The following LRRC46 variants were observed in gnomAD, a reference collection of about 807,000 sequenced individuals.
The protein encoded by LRRC46 is leucine-rich repeat-containing protein 46.
In LRRC46, 20 loss-of-function variants were observed where a neutral mutation model predicts 28.0. That is an observed-to-expected ratio of 0.71 (90% confidence interval 0.50 to 1.04). LRRC46 has a LOEUF of 1.04. Ranked by LOEUF, LRRC46 falls within the 50% of genes least tolerant of loss-of-function variation. LRRC46 has a pLI of 0.00. For synonymous variants in LRRC46, 156 were observed against 158.8 expected (o/e 0.98, Z 0.13); for missense variants, 315 against 390.1 (o/e 0.81, Z 1.62).
In LRRC46 at chr17:47,836,880, GC is replaced by G; in HGVS notation, c.729del (p.Met244TrpfsTer37). Reference sequence around the variant, plus strand: ...CCGACCTGCCCCTGCTACCTGGGGTGCCCATGGCTGGGGACAGCAGCCCTTC... The same window carrying G: ...CCGACCTGCCCCTGCTACCTGGGGTGCCATGGCTGGGGACAGCAGCCCTTC... Reference protein sequence around the residue: ...LTDLPLLPGVPMAGDSSPSAT... With the variant: ...LTDLPLLPGVXMAGDSSPSAT... On this transcript the variant is annotated frameshift_variant, in exon 8 of 8. Coordinates refer to ENST00000269025, the MANE Select transcript of LRRC46 (RefSeq NM_033413.4). LOFTEE classifies it low-confidence loss of function (END_TRUNC). This position sits in a 1 kb window ranked among gnomAD's most constrained non-coding sequence, Gnocchi z 5.8. 6.2e-7 allele frequency: 1 copy of G among 1,613,864 alleles called. No individual in the cohort carries two copies.
Position 47,836,914 on chromosome 17 carries a change from C to T in LRRC46, c.760C>T (p.Pro254Ser). ...TGGGGACAGCAGCCCTTCTGCCACTCCTGCGCAAGGGGAGGAGACAGTCCC... is the reference window on the plus strand; with the variant it reads ...TGGGGACAGCAGCCCTTCTGCCACTTCTGCGCAAGGGGAGGAGACAGTCCC... ...MAGDSSPSATPAQGEETVPEA... is the reference protein window; with the variant it reads ...MAGDSSPSATSAQGEETVPEA... The change falls in exon 8 of 8, where the codon CCT becomes TCT. Residue 254 changes from proline to serine, a missense_variant. Coordinates refer to ENST00000269025, the MANE Select transcript of LRRC46 (RefSeq NM_033413.4). This position sits in a 1 kb window ranked among gnomAD's most constrained non-coding sequence, Gnocchi z 5.8. 6.2e-7 allele frequency: 1 copy of T among 1,613,940 alleles called. No individual in the cohort carries two copies. The highest frequency in any genetic ancestry group is 8.5e-7 in the Non-Finnish European group (1 of 1,179,986).
intron 2 of LRRC46, among the ~76,000 whole-genome samples, chr17:47,832,931 T>C (rs1248416360): frequency 2.0e-5 from 3 of 152,190 alleles, no homozygotes; most frequent in African/African-American, 7.2e-5. Flanking sequence ...TCTCCACAAG[T>C]GTACAATTTC....
At chr17:47,833,571 C>T (rs141948566) in intron 2 of LRRC46, among the ~76,000 whole-genome samples, 1,639 of 151,764 alleles carry the variant, frequency 0.011, 17 homozygotes, top group Middle Eastern at 0.024. Flanking sequence ...GCCTCAGCCT[C>T]CCGAGTAGCT....
Position 47,831,909 on chromosome 17 carries a change from G to A in LRRC46, c.-81G>A, listed in dbSNP as rs564249651. 5.6e-5 allele frequency: 89 copies of A among 1,587,378 alleles called. No individual in the cohort carries two copies. The Middle Eastern group carries it at 2.5e-3, about 44-fold the overall frequency. ...TTTCTCTCTCCTCCTGCCATCCTGA[G>A]TTCTGCCATCCTTAGGGGCCGCCAA... On this transcript the variant is annotated 5_prime_UTR_variant, in exon 1 of 8. Coordinates refer to ENST00000269025, the MANE Select transcript of LRRC46 (RefSeq NM_033413.4).
intron 4 of LRRC46, 89 bp downstream of exon 4, chr17:47,835,488 GGGTCCTTGTCA>G (rs1167847967): frequency 1.3e-6 from 2 of 1,531,610 alleles, no homozygotes; most frequent in Non-Finnish European, 1.8e-6. Context: ...CTCCAAGCCT[GGGTCCTTGTCA>G]GTCAAGGACC....
chr17:47,836,527 G>C lies in LRRC46; in HGVS notation c.595+52G>C. Reference sequence around the variant, plus strand: ...CCTCCCCAGAGCCCACCTCTGCCCTGTGGGACATGAGGGAAGCTAAGGTGG... The same window carrying C: ...CCTCCCCAGAGCCCACCTCTGCCCTCTGGGACATGAGGGAAGCTAAGGTGG... On this transcript the variant is annotated intron_variant, in intron 7 of 7. Coordinates refer to ENST00000269025, the MANE Select transcript of LRRC46 (RefSeq NM_033413.4). This position sits in a 1 kb window ranked among gnomAD's most constrained non-coding sequence, Gnocchi z 5.8. 1 of 1,595,852 alleles carries C rather than the reference G, an allele frequency of 6.3e-7. No homozygotes were observed. Among genetic ancestry groups the C allele is most frequent in the Non-Finnish European group, 8.5e-7 (1 of 1,170,018 alleles).
At position 47,836,595 on chromosome 17, in the gene LRRC46, C is replaced by G; in HGVS notation, c.595+120C>G. ...GGGAGCCCCAAGTTCAGATCAACAT[C>G]TGGGCCAGAGCCAGGTGTCAGTCCT... On this transcript the variant is annotated intron_variant, in intron 7 of 7. Coordinates refer to ENST00000269025, the MANE Select transcript of LRRC46 (RefSeq NM_033413.4). The surrounding 1 kb of genome is among the most constrained non-coding windows in gnomAD (Gnocchi z 5.8). 1 of 1,501,362 alleles carries G rather than the reference C, an allele frequency of 6.7e-7. No individual in the cohort carries two copies. Among genetic ancestry groups the G allele is most frequent in the Non-Finnish European group, 9.0e-7 (1 of 1,117,224 alleles). The allele number at this position is 1,501,362 out of a possible 1,614,324, so 93.0% of individuals were successfully genotyped here.
Position 47,834,544 on chromosome 17 carries a change from TC to T in LRRC46, c.225+12del, listed in dbSNP as rs749907004. ...CTCTATCTGCAAGGGGTAACTTCTT[TC>T]TCCACCCTTCCCCTCCCCTTGACCC... On this transcript the variant is annotated intron_variant, in intron 3 of 7. Transcript: ENST00000269025. The T allele has an allele frequency of 2.2e-5, 35 of 1,563,550 alleles. No individual in the cohort carries two copies. The East Asian group carries it at 7.9e-4, about 35-fold the overall frequency.
At chr17:47,835,316 C>T in intron 3 of LRRC46, 37 bp from the exon 4 acceptor site, 2 of 1,612,660 alleles carry the variant, frequency 1.2e-6, no homozygotes, top group Non-Finnish European at 1.7e-6. Flanking sequence ...CGCATCTGAT[C>T]TCAGCTTGGT....
intron 2 of LRRC46, among the ~76,000 whole-genome samples, chr17:47,832,973 C>T (rs748259575): frequency 2.6e-5 from 4 of 152,210 alleles, no homozygotes; most frequent in Admixed American, 6.5e-5. Context: ...TAGTACCTTA[C>T]TACTCAGAGT....
rs1229112411 is a variant in LRRC46, at chr17:47,837,426, C to T, written c.*306C>T. On this transcript the variant is annotated 3_prime_UTR_variant, in exon 8 of 8. Transcript: ENST00000269025. ...CCACTTGGGCAGGAAGCGGGCACCA[C>T]CTCATGGAAGAGGCATGCCATCTCA... The T allele has an allele frequency of 1.1e-5, 5 of 436,056 alleles. No individual in the cohort carries two copies. The highest frequency in any genetic ancestry group is 4.4e-5 in the Admixed American group (1 of 22,786). The allele number at this position is 436,056 out of a possible 1,614,324, so 27.0% of individuals were successfully genotyped here. A position where few individuals can be genotyped will look rare whatever the true frequency, so the allele number is the denominator to read the frequency against.
At position 47,831,813 on chromosome 17, in the gene LRRC46, T is replaced by G; in HGVS notation, c.-177T>G. 1 of 769,722 alleles carries G rather than the reference T, an allele frequency of 1.3e-6. No homozygotes were observed. The highest frequency in any genetic ancestry group is 2.1e-6 in the Non-Finnish European group (1 of 469,884). The allele number at this position is 769,722 out of a possible 1,614,324, so 47.7% of individuals were successfully genotyped here. The stretch of plus-strand genomic sequence containing the variant: ...CTCCAGACCCTTCACATCAATTTAC[T>G]GTTTTCTTCGACCTCACCCCAGCAA... On this transcript the variant is annotated 5_prime_UTR_variant, in exon 1 of 8. Transcript: ENST00000269025.
chr17:47,835,306 C>T (rs72833445), intron 3 of LRRC46, 47 bp from the exon 4 acceptor site: 33,138 of 1,600,002 alleles, frequency 0.021, 449 homozygotes, highest in Non-Finnish European at 0.024. Flanking sequence ...GGGCCCCTGA[C>T]GCATCTGATC....
At position 47,834,453 on chromosome 17, in the gene LRRC46, G is replaced by T. The variant is rs750381873; in HGVS notation, c.145G>T (p.Val49Phe). The change falls in exon 3 of 8, where the codon GTC (valine) becomes TTC (phenylalanine). Residue 49 changes from valine (V) to phenylalanine (F), a missense_variant. Coordinates refer to ENST00000269025, the MANE Select transcript of LRRC46 (RefSeq NM_033413.4). Reference sequence around the variant, plus strand: ...TCACACTCTTGATGAACTGCAGACTGTCCGCCTGGACCGGGAGGGGATTAC... The same window carrying T: ...TCACACTCTTGATGAACTGCAGACTTTCCGCCTGGACCGGGAGGGGATTAC... ...MFHTLDELQT[V>F]RLDREGITTI... is the part of the protein sequence containing the mutation. 6.2e-7 allele frequency: 1 copy of T among 1,613,646 alleles called. No homozygotes were observed. The highest frequency in any genetic ancestry group is 8.5e-7 in the Non-Finnish European group (1 of 1,179,740).
chr17:47,835,441 G>A, intron 4 of LRRC46, 42 bp downstream of exon 4: 1 of 1,608,714 alleles, frequency 6.2e-7, no homozygotes, highest in African/African-American at 1.3e-5. Flanking sequence ...AGGGGTTGGG[G>A]GAACCTAGCC....
chr17:47,837,692 G>T lies in LRRC46; in HGVS notation c.*572G>T. The T allele has an allele frequency of 3.1e-6, 3 of 974,024 alleles. No individual in the cohort carries two copies. Among genetic ancestry groups the T allele is most frequent in the Non-Finnish European group, 4.3e-6 (3 of 698,204 alleles). The allele number at this position is 974,024 out of a possible 1,614,324, so 60.3% of individuals were successfully genotyped here. A position where few individuals can be genotyped will look rare whatever the true frequency, so the allele number is the denominator to read the frequency against. ...GTCCTGGGATAAAGTTCACTGAAGAGAAAATAAAGCACATTTATTAAGGCA... is the reference window on the plus strand; with the variant it reads ...GTCCTGGGATAAAGTTCACTGAAGATAAAATAAAGCACATTTATTAAGGCA... On this transcript the variant is annotated 3_prime_UTR_variant, in exon 8 of 8. Transcript: ENST00000269025.
chr17:47,831,736 T>C lies in LRRC46; in HGVS notation c.-254T>C, dbSNP rs1422797091. 9.4e-6 allele frequency: 6 copies of C among 637,790 alleles called. No individual in the cohort carries two copies. The African/African-American group carries it at 1.1e-4, about 12-fold the overall frequency. The allele number at this position is 637,790 out of a possible 1,614,324, so 39.5% of individuals were successfully genotyped here. On this transcript the variant is annotated 5_prime_UTR_variant, in exon 1 of 8. Transcript: ENST00000269025. ...GAACTGCTCCTTTCTCAACCATTCC[T>C]GCCCACAACACCCCAGCTTGCTGCC...
intron 2 of LRRC46, 130 bp downstream of exon 2, chr17:47,832,335 T>A (rs537165972): frequency 3.4e-6 from 2 of 589,772 alleles, no homozygotes; most frequent in Admixed American, 3.6e-5. Flanking sequence ...TCAGTGGTAA[T>A]GCCCAGCTGA....
chr17:47,836,849 C>T lies in LRRC46; in HGVS notation c.695C>T (p.Thr232Ile). 6.2e-7 allele frequency: 1 copy of T among 1,613,938 alleles called. No homozygotes were observed. Among genetic ancestry groups the T allele is most frequent in the Non-Finnish European group, 8.5e-7 (1 of 1,179,994 alleles). The change falls in exon 8 of 8, where the codon ACC (threonine) becomes ATC (isoleucine). Residue 232 changes from threonine to isoleucine, a missense_variant. Thr to Ile is a moderately conservative substitution (Grantham distance 89). Transcript: ENST00000269025. The surrounding 1 kb of genome is among the most constrained non-coding windows in gnomAD (Gnocchi z 5.8). Reference sequence around the variant, plus strand: ...CTGCTGAGGATGGAGATGCAGCCCACCCTCACCGACCTGCCCCTGCTACCT... The same window carrying T: ...CTGCTGAGGATGGAGATGCAGCCCATCCTCACCGACCTGCCCCTGCTACCT... ...EHLLRMEMQPTLTDLPLLPGV... is the reference protein window; with the variant it reads ...EHLLRMEMQPILTDLPLLPGV...
Sources: gnomAD v4.1 joint callset for allele counts (sites outside exome capture counted in the v4.1 genomes callset) on GRCh38, gnomAD v4.1.1 for gene constraint, Gnocchi (gnomAD v3.1) non-coding constraint, MANE v1.5 for transcripts, NCBI Gene and HGNC (gene_info 2026-07-23, HGNC 2026-07-21) for gene names.